Variants in SMAP1 observed in about 807,000 individuals in gnomAD.
SMAP1 encodes the protein small ArfGAP 1, also known as stromal membrane-associated protein 1.
SMAP1 carries 24 observed loss-of-function variants against 58.5 expected under a neutral mutation model. The ratio of observed to expected loss-of-function variants is 0.41; its 90% CI spans 0.30 to 0.58. The LOEUF is 0.58. Among genes scored for constraint, SMAP1 ranks in the 20% least tolerant of loss-of-function variants. The pLI is 0.29. For synonymous variants in SMAP1, 216 were observed against 196.6 expected, an observed-to-expected ratio of 1.10 and a Z score of -0.82; for missense variants, 563 against 566.3, an observed-to-expected ratio of 0.99 and a Z score of 0.06.
intron 2 of SMAP1, among the ~76,000 whole-genome samples, chr6:70,734,003 ATT>A (rs11303101): frequency 0.021 from 3,098 of 149,796 alleles, 120 homozygotes; most frequent in African/African-American, 0.071. Context: ...AATATATTGG[ATT>A]TTTTTTTTTT....
intron 7 of SMAP1, among the ~76,000 whole-genome samples, chr6:70,844,567 C>G (rs899464327): frequency 2.6e-5 from 4 of 152,142 alleles, no homozygotes; most frequent in African/African-American, 9.7e-5. Flanking sequence ...CTTTTAAGAC[C>G]ATGTTAGTCA....
intron 2 of SMAP1, among the ~76,000 whole-genome samples, chr6:70,751,543 C>T (rs1417231450): frequency 6.6e-6 from 1 of 151,608 alleles, no homozygotes; most frequent in Non-Finnish European, 1.5e-5. Flanking sequence ...AGTTCAGAGT[C>T]CTCCCCTTTC....
intron 4 of SMAP1, among the ~76,000 whole-genome samples, chr6:70,784,219 G>A (rs1266404845): frequency 1.3e-5 from 2 of 152,104 alleles, no homozygotes; most frequent in African/African-American, 2.4e-5. Context: ...ATAAGTGAAG[G>A]AGAAATAAAA....
Position 70,860,812 on chromosome 6 carries a change from C to CTTA in SMAP1, c.*481_*483dup. ...CTGTTTTCTAGTGTATCAAAATGCT[C>CTTA]TTATTTCATCATTCACTTCACTGTG... On this transcript the variant is annotated 3_prime_UTR_variant, in exon 11 of 11. Transcript: ENST00000370455. 1 of 397,528 alleles carries CTTA rather than the reference C, an allele frequency of 2.5e-6. No homozygotes were observed. The highest frequency in any genetic ancestry group is 3.6e-5 in the East Asian group (1 of 27,950). 24.6% of individuals were successfully genotyped at this position (397,528 alleles called of 1,614,324 possible). A position where few individuals can be genotyped will look rare whatever the true frequency, so the allele number is the denominator to read the frequency against.
intron 4 of SMAP1, among the ~76,000 whole-genome samples, chr6:70,773,929 A>G (rs1170308668): frequency 6.6e-6 from 1 of 152,208 alleles, no homozygotes; most frequent in Non-Finnish European, 1.5e-5. Context: ...GGTACCCATA[A>G]CAAGGTTTCA....
At chr6:70,780,715 A>G (rs765847134) in intron 4 of SMAP1, among the ~76,000 whole-genome samples, 1 of 152,222 alleles carries the variant, frequency 6.6e-6, no homozygotes, top group Non-Finnish European at 1.5e-5. Flanking sequence ...ATGAGGCTGA[A>G]CTGCCACATA....
chr6:70,816,342 A>G lies in SMAP1; in HGVS notation c.576+17605A>G, dbSNP rs1338227965. On this transcript the variant is annotated intron_variant, in intron 6 of 10. Transcript: ENST00000370455. ...GATTGTTTCTGATTTTGAGTGGGGA[A>G]GTATACTTCATTTTAGTAAGATGAA... Among the ~76,000 whole-genome samples the G allele has an allele frequency of 3.3e-5, 5 of 152,120 alleles. No homozygotes were observed. In the South Asian group the frequency reaches 8.3e-4, roughly 25 times the overall value.
intron 6 of SMAP1, among the ~76,000 whole-genome samples, chr6:70,806,310 A>C (rs897770313): frequency 2.0e-5 from 3 of 152,238 alleles, no homozygotes; most frequent in Non-Finnish European, 4.4e-5. Context: ...GGGACCTGCC[A>C]AGCCAGGCAC....
intron 6 of SMAP1, among the ~76,000 whole-genome samples, chr6:70,824,484 T>C (rs1770029917): frequency 6.6e-6 from 1 of 152,260 alleles, no homozygotes; most frequent in Non-Finnish European, 1.5e-5. Context: ...ACAGTCTCTG[T>C]ACTTATGAAG....
intron 1 of SMAP1, among the ~76,000 whole-genome samples, chr6:70,723,280 T>C (rs1447998720): frequency 1.3e-5 from 2 of 152,140 alleles, no homozygotes; most frequent in African/African-American, 4.8e-5. Flanking sequence ...GCACATGCCA[T>C]TGCACCAGGC....
chr6:70,726,880 T>TGG (rs1287944112), intron 1 of SMAP1, among the ~76,000 whole-genome samples: 1 of 110,316 alleles, frequency 9.1e-6, no homozygotes, highest in Non-Finnish European at 1.7e-5. Flanking sequence ...TAGGGGTGTG[T>TGG]GTGTGTGTGT....
chr6:70,669,899 C>T (rs1376503579), intron 1 of SMAP1, among the ~76,000 whole-genome samples: 2 of 151,834 alleles, frequency 1.3e-5, no homozygotes, highest in African/African-American at 4.8e-5. Context: ...CAGATTTTCA[C>T]TAATGCTTTC....
intron 3 of SMAP1, among the ~76,000 whole-genome samples, chr6:70,761,493 A>C (rs888043466): frequency 2.6e-5 from 4 of 152,048 alleles, no homozygotes; most frequent in African/African-American, 9.6e-5. Flanking sequence ...AGACTGTAAA[A>C]TGAAGATAAA....
At chr6:70,672,901 C>G (rs1027331294) in intron 1 of SMAP1, among the ~76,000 whole-genome samples, 16 of 151,794 alleles carry the variant, frequency 1.1e-4, no homozygotes, top group African/African-American at 2.2e-4. Context: ...TATGAAAGAA[C>G]AGAAGAAGTT....
chr6:70,860,338 C>T lies in SMAP1; in HGVS notation c.*4C>T. On this transcript the variant is annotated 3_prime_UTR_variant, in exon 11 of 11. Coordinates refer to ENST00000370455, the MANE Select transcript of SMAP1 (RefSeq NM_001044305.3). ...CAGCACACAACTGTGGAAATGAAAA[C>T]TGCAATACAAGTTTCATCCAGAACT... 1.2e-6 allele frequency: 2 copies of T among 1,604,142 alleles called. No individual in the cohort carries two copies. Among genetic ancestry groups the T allele is most frequent in the Non-Finnish European group, 1.7e-6 (2 of 1,176,226 alleles).
At chr6:70,766,169 A>C (rs1766975234) in intron 3 of SMAP1, among the ~76,000 whole-genome samples, 1 of 152,102 alleles carries the variant, frequency 6.6e-6, no homozygotes, top group Non-Finnish European at 1.5e-5. Context: ...GGTTGGTTCC[A>C]AGTCTTTGCT....
At chr6:70,825,179 G>C (rs566503751) in intron 6 of SMAP1, among the ~76,000 whole-genome samples, 1 of 152,124 alleles carries the variant, frequency 6.6e-6, no homozygotes, top group African/African-American at 2.4e-5. Flanking sequence ...TTACAAAATA[G>C]ATATTCAAAG....
intron 1 of SMAP1, among the ~76,000 whole-genome samples, chr6:70,704,628 G>A (rs1767763372): frequency 6.6e-6 from 1 of 152,032 alleles, no homozygotes; most frequent in African/African-American, 2.4e-5. Flanking sequence ...TATTCTTCCT[G>A]CTAAAATGCA....
chr6:70,846,570 G>A (rs1213478283), intron 7 of SMAP1, among the ~76,000 whole-genome samples: 1 of 152,210 alleles, frequency 6.6e-6, no homozygotes, highest in African/African-American at 2.4e-5. Context: ...AACATTTGGA[G>A]GTGGAGTTGG....
Sources: allele counts gnomAD v4.1 joint callset (sites outside exome capture counted in the v4.1 genomes callset), GRCh38; gene constraint gnomAD v4.1.1; transcripts MANE v1.5; gene names NCBI Gene and HGNC (gene_info 2026-07-23, HGNC 2026-07-21).